Variants in CNBD1 observed in about 807,000 individuals in gnomAD.
The protein encoded by CNBD1 is cyclic nucleotide binding domain containing 1, also known as cyclic nucleotide-binding domain-containing protein 1.
Under a neutral mutation model 54.4 loss-of-function variants are expected in CNBD1, and 71 were observed. The ratio of observed to expected loss-of-function variants is 1.30; its 90% CI spans 1.08 to 1.59. The LOEUF (loss-of-function observed/expected upper bound fraction) is 1.59, where lower values mean the gene tolerates loss of function less well. Among genes scored for constraint, CNBD1 ranks in the 40% most tolerant of loss-of-function variants. CNBD1 has a pLI of 0.00. For synonymous variants in CNBD1, 182 were observed against 170.7 expected (o/e 1.07, Z -0.51); for missense variants, 659 against 518.0 (o/e 1.27, Z -2.64).
At chr8:86,942,417 C>T (rs549055103) in intron 4 of CNBD1, among the ~76,000 whole-genome samples, 1 of 152,144 alleles carries the variant, frequency 6.6e-6, no homozygotes, top group Non-Finnish European at 1.5e-5. Context: ...GGGCTGTGAC[C>T]ATTTCTGGAG....
chr8:86,909,048 G>A lies in CNBD1; in HGVS notation c.272+3854G>A, dbSNP rs186257183. Among the ~76,000 whole-genome samples, 56 of 152,204 alleles carry A rather than the reference G, an allele frequency of 3.7e-4. No homozygotes were observed. In the South Asian group the frequency reaches 4.1e-3, roughly 11 times the overall value. On this transcript the variant is annotated intron_variant, in intron 3 of 10. Transcript: ENST00000518476. ...TGGGATTACAGGCGTGAGCCACTGC[G>A]CGGGGCCAAGAATTCTTTTTGATGA...
chr8:87,060,805 G>T (rs529651428), intron 4 of CNBD1, among the ~76,000 whole-genome samples: 1 of 151,842 alleles, frequency 6.6e-6, no homozygotes, highest in African/African-American at 2.4e-5. Flanking sequence ...TATTATATAG[G>T]GAGCAAATCC....
At chr8:86,873,999 A>G (rs1808479931) in intron 1 of CNBD1, among the ~76,000 whole-genome samples, 1 of 152,138 alleles carries the variant, frequency 6.6e-6, no homozygotes, top group Admixed American at 6.5e-5. Flanking sequence ...TAATCCTTGG[A>G]CCCCATTCAA....
chr8:87,028,695 C>T (rs562399767), intron 4 of CNBD1, among the ~76,000 whole-genome samples: 13 of 152,284 alleles, frequency 8.5e-5, no homozygotes, highest in Admixed American at 6.5e-4. Context: ...GGCCTGATGT[C>T]TCATTGTCTG....
intron 6 of CNBD1, among the ~76,000 whole-genome samples, chr8:87,277,099 T>A (rs1712597151): frequency 6.6e-6 from 1 of 151,640 alleles, no homozygotes; most frequent in Non-Finnish European, 1.5e-5. Flanking sequence ...CATATTCATA[T>A]ATGTATATGT....
intron 6 of CNBD1, among the ~76,000 whole-genome samples, chr8:87,245,324 T>C (rs1239606890): frequency 6.6e-6 from 1 of 152,078 alleles, no homozygotes; most frequent in African/African-American, 2.4e-5. Flanking sequence ...ATAAAAGAGA[T>C]ATGTTTATTG....
intron 3 of CNBD1, among the ~76,000 whole-genome samples, chr8:86,911,095 T>C (rs112491658): frequency 1.3e-4 from 20 of 152,340 alleles, no homozygotes; most frequent in African/African-American, 3.6e-4. Context: ...TTTTCTACTG[T>C]ACATGTGGTG....
chr8:87,040,590 A>T (rs898661591), intron 4 of CNBD1, among the ~76,000 whole-genome samples: 6 of 150,972 alleles, frequency 4.0e-5, no homozygotes, highest in African/African-American at 9.7e-5. Flanking sequence ...CGCCTGGATA[A>T]TTTTTTTGTA....
At chr8:87,363,714 T>C (rs967745253) in intron 10 of CNBD1, among the ~76,000 whole-genome samples, 1 of 152,106 alleles carries the variant, frequency 6.6e-6, no homozygotes. Flanking sequence ...TGTTTTTTTC[T>C]TGTGATTTTG....
intron 10 of CNBD1, among the ~76,000 whole-genome samples, chr8:87,362,574 C>G (rs1586047027): frequency 6.6e-6 from 1 of 151,948 alleles, no homozygotes; most frequent in Non-Finnish European, 1.5e-5. Flanking sequence ...ACATTTGTGC[C>G]AAGCCAATAA....
At chr8:87,132,408 A>G (rs1812137031) in intron 4 of CNBD1, among the ~76,000 whole-genome samples, 1 of 151,380 alleles carries the variant, frequency 6.6e-6, no homozygotes, top group Non-Finnish European at 1.5e-5. Flanking sequence ...TTTCTTTGTG[A>G]AAAAGATTAA....
At chr8:87,253,874 G>C (rs1807957141) in intron 6 of CNBD1, among the ~76,000 whole-genome samples, 1 of 152,084 alleles carries the variant, frequency 6.6e-6, no homozygotes, top group African/African-American at 2.4e-5. Context: ...ATAAGAATTG[G>C]ACGGGAATTG....
At chr8:87,082,976 A>G (rs943092938) in intron 4 of CNBD1, among the ~76,000 whole-genome samples, 2 of 152,192 alleles carry the variant, frequency 1.3e-5, no homozygotes, top group African/African-American at 2.4e-5. Context: ...CCTTCAAATA[A>G]TATCACCTCA....
chr8:86,974,083 A>T (rs916635135), intron 4 of CNBD1, among the ~76,000 whole-genome samples: 1 of 152,126 alleles, frequency 6.6e-6, no homozygotes, highest in East Asian at 1.9e-4. Flanking sequence ...TCCTGTAATT[A>T]TAATGATAAA....
intron 4 of CNBD1, among the ~76,000 whole-genome samples, chr8:87,138,239 C>T (rs1424226921): frequency 1.3e-5 from 2 of 152,140 alleles, no homozygotes; most frequent in African/African-American, 4.8e-5. Flanking sequence ...CCTACTATTA[C>T]ACTGAATATA....
chr8:87,304,373 A>T (rs1420834527), intron 8 of CNBD1, among the ~76,000 whole-genome samples: 1 of 152,166 alleles, frequency 6.6e-6, no homozygotes, highest in Non-Finnish European at 1.5e-5. Flanking sequence ...ATTCTCAGCA[A>T]ACTATCACAA....
intron 6 of CNBD1, among the ~76,000 whole-genome samples, chr8:87,258,068 A>C (rs1808056375): frequency 6.6e-6 from 1 of 152,164 alleles, no homozygotes; most frequent in Non-Finnish European, 1.5e-5. Flanking sequence ...CTTCCCATGT[A>C]ACTTAACTTG....
intron 5 of CNBD1, among the ~76,000 whole-genome samples, chr8:87,229,379 G>C (rs1480808768): frequency 6.6e-6 from 1 of 151,962 alleles, no homozygotes; most frequent in Non-Finnish European, 1.5e-5. Context: ...CTTCTCACAG[G>C]TTAAAAATTT....
intron 8 of CNBD1, among the ~76,000 whole-genome samples, chr8:87,294,295 C>T (rs1022338075): frequency 6.6e-6 from 1 of 152,160 alleles, no homozygotes; most frequent in Non-Finnish European, 1.5e-5. Flanking sequence ...ATTTCCACTT[C>T]TTTGCAATGC....
Sources: gnomAD v4.1 joint callset for allele counts (sites outside exome capture counted in the v4.1 genomes callset) on GRCh38, gnomAD v4.1.1 for gene constraint, MANE v1.5 for transcripts, NCBI Gene and HGNC (gene_info 2026-07-23, HGNC 2026-07-21) for gene names.